PPP1R9A: variants seen among roughly 807,000 people sequenced by gnomAD.
The protein encoded by PPP1R9A is protein phosphatase 1 regulatory subunit 9A.
Under a neutral mutation model 141.9 loss-of-function variants are expected in PPP1R9A, and 59 were observed. The ratio of observed to expected loss-of-function variants is 0.42; its 90% CI spans 0.34 to 0.52. The LOEUF (loss-of-function observed/expected upper bound fraction) is 0.52. PPP1R9A is among the 20% of genes least tolerant of loss of function. The pLI, the probability that PPP1R9A is intolerant of heterozygous loss-of-function variation, is 0.10. For synonymous variants in PPP1R9A, 500 were observed against 569.7 expected (o/e 0.88, Z 1.74); for missense variants, 1,444 against 1,611.9 (o/e 0.90, Z 1.78).
intron 12 of PPP1R9A, among the ~76,000 whole-genome samples, chr7:95,255,998 C>T (rs1322162716): frequency 3.3e-5 from 5 of 152,094 alleles, no homozygotes; most frequent in East Asian, 1.9e-4. Context: ...TTCATTTTCA[C>T]ACCTACCTAC....
Position 95,202,834 on chromosome 7 carries a change from T to C in PPP1R9A, c.1891-831T>C, listed in dbSNP as rs141867879. On this transcript the variant is annotated intron_variant, in intron 6 of 19. Transcript: ENST00000433360. ...AAATGCTGCAGGCTTAGACTGGAAA[T>C]ACAGTATGAACTAGTGCTATATTCC... is the stretch of plus-strand genomic sequence containing the variant. Among the ~76,000 whole-genome samples the C allele has an allele frequency of 8.9e-3, 1,349 of 152,170 alleles. 19 individuals are homozygous for C. Among genetic ancestry groups the C allele is most frequent in the African/African-American group, 0.03 (1,244 of 41,552 alleles).
intron 5 of PPP1R9A, among the ~76,000 whole-genome samples, chr7:95,197,161 C>T (rs555856179): frequency 4.6e-5 from 7 of 152,146 alleles, no homozygotes; most frequent in South Asian, 2.1e-4. Flanking sequence ...CAGCAACATA[C>T]ATTAATCAGA....
At chr7:95,006,939 C>A (rs1230321987) in intron 2 of PPP1R9A, among the ~76,000 whole-genome samples, 1 of 151,418 alleles carries the variant, frequency 6.6e-6, no homozygotes, top group Non-Finnish European at 1.5e-5. Flanking sequence ...CTTGGCTCAT[C>A]GCAACCTCCA....
intron 2 of PPP1R9A, among the ~76,000 whole-genome samples, chr7:94,969,348 A>T (rs1432926580): frequency 6.6e-6 from 1 of 151,888 alleles, no homozygotes; most frequent in Non-Finnish European, 1.5e-5. Context: ...CCTTTTTGTT[A>T]ATATTGATGC....
chr7:94,943,656 C>T (rs1795576928), intron 2 of PPP1R9A, among the ~76,000 whole-genome samples: 1 of 152,124 alleles, frequency 6.6e-6, no homozygotes, highest in East Asian at 1.9e-4. Flanking sequence ...TTTGAACTAT[C>T]AAGGTTCAAG....
intron 7 of PPP1R9A, among the ~76,000 whole-genome samples, chr7:95,211,570 A>G (rs1296571948): frequency 1.3e-5 from 2 of 152,214 alleles, no homozygotes; most frequent in African/African-American, 2.4e-5. Flanking sequence ...ACTCAAGCCC[A>G]TTTATATCAC....
intron 4 of PPP1R9A, among the ~76,000 whole-genome samples, chr7:95,145,860 A>G (rs1827515990): frequency 1.3e-5 from 2 of 152,228 alleles, no homozygotes; most frequent in African/African-American, 4.8e-5. Flanking sequence ...ATAGTAATCC[A>G]TGGTGTATAT....
chr7:95,057,388 A>G (rs1811645835), intron 2 of PPP1R9A, among the ~76,000 whole-genome samples: 2 of 152,240 alleles, frequency 1.3e-5, no homozygotes, highest in South Asian at 2.1e-4. Context: ...AAAGTGCTAT[A>G]TTTTAGTAGT....
At chr7:95,205,032 C>T (rs191067321) in intron 7 of PPP1R9A, among the ~76,000 whole-genome samples, 1 of 151,896 alleles carries the variant, frequency 6.6e-6, no homozygotes, top group Non-Finnish European at 1.5e-5. Context: ...CACACACACA[C>T]TCACTCTGAT....
chr7:95,142,500 G>T (rs1826882464), intron 4 of PPP1R9A, among the ~76,000 whole-genome samples: 1 of 151,744 alleles, frequency 6.6e-6, no homozygotes, highest in African/African-American at 2.4e-5. Context: ...TTATATTTAG[G>T]TCTATGATCC....
At chr7:95,079,596 A>G (rs1287232055) in intron 2 of PPP1R9A, among the ~76,000 whole-genome samples, 3 of 152,046 alleles carry the variant, frequency 2.0e-5, no homozygotes, top group Non-Finnish European at 4.4e-5. Flanking sequence ...TTATGAGGCC[A>G]GCATCATCCT....
At chr7:95,124,689 C>G (rs1584818532) in intron 4 of PPP1R9A, among the ~76,000 whole-genome samples, 1 of 141,980 alleles carries the variant, frequency 7.0e-6, no homozygotes, top group South Asian at 2.1e-4. Flanking sequence ...TGTTTTCTAG[C>G]TTTCTAGCTT....
At chr7:94,929,600 AG>A (rs1793916145) in intron 2 of PPP1R9A, among the ~76,000 whole-genome samples, 1 of 152,184 alleles carries the variant, frequency 6.6e-6, no homozygotes, top group Non-Finnish European at 1.5e-5. Flanking sequence ...TGTTAAGGCA[AG>A]GGCAGATTAA....
intron 3 of PPP1R9A, among the ~76,000 whole-genome samples, chr7:95,116,736 A>G (rs915899998): frequency 1.1e-4 from 17 of 152,322 alleles, no homozygotes; most frequent in African/African-American, 3.8e-4. Flanking sequence ...GAAAAGGAAT[A>G]TGAATGACTT....
At chr7:95,176,594 T>A (rs1171798313) in intron 5 of PPP1R9A, 1 of 150,106 alleles carries the variant, frequency 6.7e-6, no homozygotes, top group African/African-American at 2.5e-5. Flanking sequence ...AGGCAAAGCC[T>A]AATGCAAGGA....
intron 4 of PPP1R9A, among the ~76,000 whole-genome samples, chr7:95,133,340 T>A (rs1453495056): frequency 6.6e-6 from 1 of 152,036 alleles, no homozygotes; most frequent in Non-Finnish European, 1.5e-5. Flanking sequence ...CCTGTCCCTG[T>A]CTGCCTAGGA....
At chr7:94,968,872 T>C (rs530209233) in intron 2 of PPP1R9A, among the ~76,000 whole-genome samples, 76 of 152,176 alleles carry the variant, frequency 5.0e-4, no homozygotes, top group South Asian at 3.5e-3. Flanking sequence ...CTTGTCTTCA[T>C]GCTTTATTTC....
chr7:94,969,385 T>G (rs1449038802), intron 2 of PPP1R9A, among the ~76,000 whole-genome samples: 1 of 152,160 alleles, frequency 6.6e-6, no homozygotes, highest in African/African-American at 2.4e-5. Flanking sequence ...TTAGTTTTCC[T>G]TCTAACAGTC....
At chr7:95,247,664 G>A in intron 9 of PPP1R9A, 138 bp downstream of exon 9, 1 of 667,658 alleles carries the variant, frequency 1.5e-6, no homozygotes. Context: ...TCACTGTCAG[G>A]TACGTAGACA....
Sources: gnomAD v4.1 joint callset for allele counts (sites outside exome capture counted in the v4.1 genomes callset) on GRCh38, gnomAD v4.1.1 for gene constraint, MANE v1.5 for transcripts, NCBI Gene and HGNC (gene_info 2026-07-23, HGNC 2026-07-21) for gene names.